Variants in FAT3 observed in about 807,000 individuals in gnomAD.
FAT3 encodes the protein FAT atypical cadherin 3, also known as protocadherin Fat 3.
Under a neutral mutation model 310.2 loss-of-function variants are expected in FAT3, and 95 were observed. The ratio of observed to expected loss-of-function variants is 0.31; its 90% CI spans 0.26 to 0.36. FAT3 has a LOEUF of 0.36. FAT3 is among the 10% of genes least tolerant of loss of function. The pLI, the probability that FAT3 is intolerant of heterozygous loss-of-function variation, is 1.00. For synonymous variants in FAT3, 2,314 were observed against 2,192.9 expected (o/e 1.06, Z -1.54); for missense variants, 5,408 against 5,715.6 (o/e 0.95, Z 1.74).
At chr11:92,584,134 T>C (rs1041207146) in intron 3 of FAT3, among the ~76,000 whole-genome samples, 2 of 151,978 alleles carry the variant, frequency 1.3e-5, no homozygotes, top group Admixed American at 6.6e-5. Context: ...AAGTAACATG[T>C]CTTGGATCTT....
Position 92,895,943 on chromosome 11 carries a change from G to A in FAT3, c.*4830G>A, listed in dbSNP as rs994004124. 1 of 136,472 alleles carries A rather than the reference G, an allele frequency of 7.3e-6. No individual in the cohort carries two copies. The allele number at this position is 136,472 out of a possible 1,614,324, so 8.5% of individuals were successfully genotyped here. On this transcript the variant is annotated 3_prime_UTR_variant, in exon 28 of 28. Coordinates refer to ENST00000525166, the MANE Select transcript of FAT3 (RefSeq NM_001367949.2). Reference sequence around the variant, plus strand: ...CTACACACACACACACACACACAAGGATTTTAGATTTGAAAATGATGTTTT... The same window carrying A: ...CTACACACACACACACACACACAAGAATTTTAGATTTGAAAATGATGTTTT...
intron 3 of FAT3, among the ~76,000 whole-genome samples, chr11:92,546,351 A>T (rs1210708224): frequency 6.6e-6 from 1 of 152,150 alleles, no homozygotes; most frequent in African/African-American, 2.4e-5. Context: ...ACAGTGTTTC[A>T]TTTCTCTCTG....
At chr11:92,577,164 G>A (rs1421244682) in intron 3 of FAT3, among the ~76,000 whole-genome samples, 4 of 151,886 alleles carry the variant, frequency 2.6e-5, no homozygotes, top group African/African-American at 9.7e-5. Context: ...AGGCTGTAGT[G>A]CAGTGACATG....
intron 21 of FAT3, among the ~76,000 whole-genome samples, chr11:92,866,329 G>A (rs745666714): frequency 7.2e-5 from 11 of 152,130 alleles, no homozygotes; most frequent in Admixed American, 1.3e-4. Context: ...ACTGCTTACC[G>A]TATAGTAGAT....
intron 3 of FAT3, among the ~76,000 whole-genome samples, chr11:92,621,278 A>G (rs1318749595): frequency 1.3e-5 from 2 of 152,214 alleles, no homozygotes; most frequent in East Asian, 3.9e-4. Flanking sequence ...AGAGTATCCA[A>G]ACAGATAAAT....
intron 22 of FAT3, among the ~76,000 whole-genome samples, chr11:92,877,568 C>A (rs2136385878): frequency 6.6e-6 from 1 of 152,284 alleles, no homozygotes; most frequent in Admixed American, 6.5e-5. Flanking sequence ...CAGGCCTTTA[C>A]CTTCCCTCTG....
At chr11:92,863,457 C>T (rs1739614725) in intron 21 of FAT3, among the ~76,000 whole-genome samples, 1 of 152,034 alleles carries the variant, frequency 6.6e-6, no homozygotes, top group South Asian at 2.1e-4. Flanking sequence ...TCTTCCAAGC[C>T]CCAAGCTACT....
At position 92,495,165 on chromosome 11, in the gene FAT3, A is replaced by G. The variant is rs1223249022; in HGVS notation, c.3293-29469A>G. Among the ~76,000 whole-genome samples, 9 of 152,182 alleles carry G rather than the reference A, an allele frequency of 5.9e-5. No individual in the cohort carries two copies. In the East Asian group the frequency reaches 1.6e-3, roughly 26 times the overall value. ...GCCTAGCAAATTATACATTTCAAAGAGGTTTTGTAAACTTGTCTTATTTGA... is the reference window on the plus strand; with the variant it reads ...GCCTAGCAAATTATACATTTCAAAGGGGTTTTGTAAACTTGTCTTATTTGA... On this transcript the variant is annotated intron_variant, in intron 2 of 27. Coordinates refer to ENST00000525166, the MANE Select transcript of FAT3 (RefSeq NM_001367949.2).
chr11:92,627,853 A>G (rs1002547287), intron 3 of FAT3, among the ~76,000 whole-genome samples: 11 of 152,188 alleles, frequency 7.2e-5, no homozygotes, highest in African/African-American at 2.4e-4. Flanking sequence ...TCATGAAGGG[A>G]TTACAGGAAA....
Position 92,801,227 on chromosome 11 carries a change from C to G in FAT3, c.8214C>G (p.Val2738=). Residue 2738 remains valine, a synonymous_variant, in exon 10 of 28, where the codon GTC becomes GTG. Coordinates refer to ENST00000525166, the MANE Select transcript of FAT3 (RefSeq NM_001367949.2). ...DTLRILPSQN[V]WFSTVNGERP... is the part of the protein sequence containing the mutation. ...TGAGGATTTTGCCCAGTCAGAATGT[C>G]TGGTTCAGCACAGTTAATGGGGAAC... The G allele has an allele frequency of 6.2e-7, 1 of 1,613,860 alleles. No homozygotes were observed.
chr11:92,613,441 A>C (rs1426897428), intron 3 of FAT3, among the ~76,000 whole-genome samples: 1 of 152,240 alleles, frequency 6.6e-6, no homozygotes, highest in Admixed American at 6.5e-5. Context: ...TTAGCCTCTA[A>C]ACCAAATTCA....
At chr11:92,717,552 C>G (rs557822693) in intron 4 of FAT3, among the ~76,000 whole-genome samples, 7 of 152,138 alleles carry the variant, frequency 4.6e-5, no homozygotes, top group Non-Finnish European at 1.0e-4. Context: ...CAGTTTGATA[C>G]CACTGTGTTC....
At chr11:92,825,437 T>A (rs1033731311) in intron 13 of FAT3, among the ~76,000 whole-genome samples, 1 of 152,042 alleles carries the variant, frequency 6.6e-6, no homozygotes, top group Non-Finnish European at 1.5e-5. Flanking sequence ...AGGAAATAAC[T>A]GAGGAAATTA....
At chr11:92,735,363 G>A (rs180886435) in intron 4 of FAT3, among the ~76,000 whole-genome samples, 1 of 152,230 alleles carries the variant, frequency 6.6e-6, no homozygotes, top group East Asian at 1.9e-4. Flanking sequence ...TTTGGACAAT[G>A]TCATTTGCAT....
In FAT3 at chr11:92,824,613, T is replaced by C. The variant is rs563715701; in HGVS notation, c.9482-7009T>C. Among the ~76,000 whole-genome samples, 205 of 152,328 alleles carry C rather than the reference T, an allele frequency of 1.3e-3. 1 individual carries two copies. Among genetic ancestry groups the C allele is most frequent in the African/African-American group, 4.7e-3 (195 of 41,576 alleles). On this transcript the variant is annotated intron_variant, in intron 13 of 27. Transcript: ENST00000525166. Reference sequence around the variant, plus strand: ...GTATTTGATTGCACTCCAAAATTGATATTAAAGAATTATTTCTCATGTACA... The same window carrying C: ...GTATTTGATTGCACTCCAAAATTGACATTAAAGAATTATTTCTCATGTACA...
intron 22 of FAT3, among the ~76,000 whole-genome samples, chr11:92,869,662 A>G (rs1023911283): frequency 6.6e-6 from 1 of 152,238 alleles, no homozygotes. Context: ...AGGGGAGAGA[A>G]AAAAGGGAAG....
chr11:92,702,688 C>T (rs1025294496), intron 4 of FAT3, among the ~76,000 whole-genome samples: 2 of 152,180 alleles, frequency 1.3e-5, no homozygotes, highest in Non-Finnish European at 2.9e-5. Context: ...TTGAAAGATA[C>T]ATCTACTTAA....
intron 3 of FAT3, among the ~76,000 whole-genome samples, chr11:92,684,017 G>C (rs948149250): frequency 9.9e-5 from 15 of 152,162 alleles, no homozygotes; most frequent in Admixed American, 8.5e-4. Context: ...AACCACAGTA[G>C]CATTGAGCTG....
At chr11:92,298,617 T>C (rs1242380832) in intron 1 of FAT3, among the ~76,000 whole-genome samples, 1 of 152,156 alleles carries the variant, frequency 6.6e-6, no homozygotes, top group African/African-American at 2.4e-5. Context: ...TGGTTCAGCA[T>C]CTCTGAGTGG....
Sources: allele counts gnomAD v4.1 joint callset (sites outside exome capture counted in the v4.1 genomes callset), GRCh38; gene constraint gnomAD v4.1.1; transcripts MANE v1.5; gene names NCBI Gene and HGNC (gene_info 2026-07-23, HGNC 2026-07-21).